Variants in SLC12A2 observed in about 807,000 individuals in gnomAD.
SLC12A2 encodes the protein solute carrier family 12 member 2.
A neutral mutation model predicts 136.3 loss-of-function variants in SLC12A2; 67 were observed. That is an observed-to-expected ratio of 0.49 (90% CI 0.40 to 0.60). SLC12A2 has a LOEUF of 0.60. SLC12A2 is among the 20% of genes least tolerant of loss of function. SLC12A2 has a pLI of 0.00. For synonymous variants in SLC12A2, 619 were observed against 562.9 expected (o/e 1.10, Z -1.41); for missense variants, 1,322 against 1,534.7 (o/e 0.86, Z 2.32).
At chr5:128,141,802 A>G (rs187304326) in intron 9 of SLC12A2, 28 bp from the exon 10 acceptor site, 51 of 1,596,622 alleles carry the variant, frequency 3.2e-5, no homozygotes. Flanking sequence ...TATTAACTAT[A>G]TTATTCTTGT....
chr5:128,106,961 T>C (rs1007408414), intron 1 of SLC12A2, among the ~76,000 whole-genome samples: 2 of 152,172 alleles, frequency 1.3e-5, no homozygotes, highest in African/African-American at 4.8e-5. Flanking sequence ...TATATTTTCT[T>C]GTAATACTTG....
At chr5:128,169,976 A>G (rs905984742) in intron 18 of SLC12A2, 1 of 152,186 alleles carries the variant, frequency 6.6e-6, no homozygotes, top group African/African-American at 2.4e-5. Context: ...TGGTTTTAGA[A>G]CCATGTAAAT....
intron 9 of SLC12A2, among the ~76,000 whole-genome samples, chr5:128,139,386 G>C (rs1762287407): frequency 6.6e-6 from 1 of 151,816 alleles, no homozygotes; most frequent in African/African-American, 2.4e-5. Flanking sequence ...GTTTTACTTA[G>C]GAAAAGTTTT....
intron 4 of SLC12A2, among the ~76,000 whole-genome samples, 194 bp downstream of exon 4, chr5:128,114,875 T>C (rs1158183488): frequency 6.6e-6 from 1 of 152,224 alleles, no homozygotes; most frequent in African/African-American, 2.4e-5. Context: ...CACATAAGCT[T>C]TTAAGTTATT....
Position 128,156,726 on chromosome 5 carries a change from C to T in SLC12A2, c.2364-1327C>T, listed in dbSNP as rs558359572. On this transcript the variant is annotated intron_variant, in intron 15 of 26. Transcript: ENST00000262461. ...CTGTACTTTGGTCACTCAGAACCCA[C>T]GTTCCTTATCAGTCTGCCATTCCCT... 1.5e-3 allele frequency among the ~76,000 whole-genome samples: 223 copies of T among 152,296 alleles called. 3 individuals carry two copies. The highest frequency in any genetic ancestry group is 2.2e-3 in the Non-Finnish European group (149 of 68,018).
At chr5:128,146,909 G>C (rs1336145196) in intron 10 of SLC12A2, among the ~76,000 whole-genome samples, 1 of 151,514 alleles carries the variant, frequency 6.6e-6, no homozygotes, top group Non-Finnish European at 1.5e-5. Context: ...CAGTTTACTA[G>C]AATTATAGAA....
chr5:128,114,579 C>T lies in SLC12A2; in HGVS notation c.953-7C>T, dbSNP rs201608609. ...AGTATTCTCATTGTCTTTCTTTCTT[C>T]GTAAAGGTCTATCAGTCCTTGTAAT... On this transcript the variant is annotated splice_region_variant and splice_polypyrimidine_tract_variant and intron_variant, in intron 3 of 26. Coordinates refer to ENST00000262461, the MANE Select transcript of SLC12A2 (RefSeq NM_001046.3). 8.9e-4 allele frequency: 1,404 copies of T among 1,578,314 alleles called. 1 individual carries two copies. The highest frequency in any genetic ancestry group is 1.2e-3 in the Non-Finnish European group (1,328 of 1,148,282).
intron 23 of SLC12A2, 74 bp from the exon 24 acceptor site, chr5:128,182,781 T>C: frequency 9.9e-7 from 1 of 1,014,440 alleles, no homozygotes; most frequent in Admixed American, 2.2e-5. Flanking sequence ...TAAATCATGC[T>C]TTTTAGATAT....
At position 128,178,637 on chromosome 5, in the gene SLC12A2, G is replaced by GA; in HGVS notation, c.3054dup (p.Gln1019ThrfsTer7). 6 of 1,602,222 alleles carry GA rather than the reference G, an allele frequency of 3.7e-6. No homozygotes were observed. The highest frequency in any genetic ancestry group is 5.1e-6 in the Non-Finnish European group (6 of 1,174,356). On this transcript the variant is annotated frameshift_variant, in exon 22 of 27. Coordinates refer to ENST00000262461, the MANE Select transcript of SLC12A2 (RefSeq NM_001046.3). LOFTEE classifies it high-confidence loss of function. Reference sequence around the variant, plus strand: ...TTCTTGAAGCTAGTACACAGTTTCAGAAAAAACAAGGAAAGAATACTATTG... The same window carrying GA: ...TTCTTGAAGCTAGTACACAGTTTCAGAAAAAAACAAGGAAAGAATACTATTG...
In SLC12A2 at chr5:128,134,313, G is replaced by A. The variant is rs370767458; in HGVS notation, c.1299+38G>A. On this transcript the variant is annotated intron_variant, in intron 6 of 26. Coordinates refer to ENST00000262461, the MANE Select transcript of SLC12A2 (RefSeq NM_001046.3). ...AGGAACACCTGTAAATATTTAATACGTAAACTTTTAGAGCTTATGTTTTGG... is the reference window on the plus strand; with the variant it reads ...AGGAACACCTGTAAATATTTAATACATAAACTTTTAGAGCTTATGTTTTGG... 41 of 1,053,680 alleles carry A rather than the reference G, an allele frequency of 3.9e-5. 1 individual carries two copies. The highest frequency in any genetic ancestry group is 3.8e-4 in the South Asian group (29 of 77,160). The allele number at this position is 1,053,680 out of a possible 1,614,324, so 65.3% of individuals were successfully genotyped here. A position where few individuals can be genotyped will look rare whatever the true frequency, so the allele number is the denominator to read the frequency against.
rs768833602 is a variant in SLC12A2 at position 128,143,181 on chromosome 5, GAGTA to G, written c.1773+1205_1773+1208del. ...CCTGTATGTATTTTGTTAGATTTACGAGTAAGTATTTTTATTTTGCTCAATTTAA... is the reference window on the plus strand; with the variant it reads ...CCTGTATGTATTTTGTTAGATTTACGAGTATTTTTATTTTGCTCAATTTAA... On this transcript the variant is annotated intron_variant, in intron 10 of 26. Transcript: ENST00000262461. Among the ~76,000 whole-genome samples the G allele has an allele frequency of 8.5e-5, 13 of 152,076 alleles. No homozygotes were observed. In the East Asian group the frequency reaches 1.7e-3, roughly 20 times the overall value.
Position 128,172,396 on chromosome 5 carries a change from G to A in SLC12A2, c.2803+650G>A, listed in dbSNP as rs372667945. ...AGATTTCAGCAGTTTACAAAGACTT[G>A]TATGTGGTTGTGTAGTTGTGTGCCA... is the stretch of plus-strand genomic sequence containing the variant. On this transcript the variant is annotated intron_variant, in intron 19 of 26. Coordinates refer to ENST00000262461, the MANE Select transcript of SLC12A2 (RefSeq NM_001046.3). Among the ~76,000 whole-genome samples the A allele has an allele frequency of 9.2e-5, 14 of 152,106 alleles. No homozygotes were observed. In the East Asian group the frequency reaches 2.7e-3, roughly 29 times the overall value.
intron 1 of SLC12A2, among the ~76,000 whole-genome samples, chr5:128,100,499 T>C (rs1454526939): frequency 2.0e-5 from 3 of 152,108 alleles, no homozygotes; most frequent in African/African-American, 7.2e-5. Flanking sequence ...TCTGAAAATA[T>C]CTGAAATATG....
chr5:128,152,710 G>A lies in SLC12A2; in HGVS notation c.2268G>A (p.Val756=). The change falls in exon 15 of 27, where the codon GTG becomes GTA. Residue 756 remains valine (V), a synonymous_variant. Transcript: ENST00000262461. ...ATGAACATTATCTTCCCACAGATGTGAATTGGGGATCCTCTACACAAGCCC... is the reference window on the plus strand; with the variant it reads ...ATGAACATTATCTTCCCACAGATGTAAATTGGGGATCCTCTACACAAGCCC... ...YIYVTYKKPD[V]NWGSSTQALT... is the part of the protein sequence containing the mutation. 6.2e-7 allele frequency: 1 copy of A among 1,603,666 alleles called. No individual in the cohort carries two copies.
At chr5:128,098,707 C>G (rs928557452) in intron 1 of SLC12A2, among the ~76,000 whole-genome samples, 38 of 152,002 alleles carry the variant, frequency 2.5e-4, no homozygotes, top group African/African-American at 8.7e-4. Context: ...CCCCCATCCA[C>G]TCCTCTCCCC....
chr5:128,118,828 A>G lies in SLC12A2; in HGVS notation c.1048+4147A>G, dbSNP rs145664521. Reference sequence around the variant, plus strand: ...ATTAAATCTGAATCACATTATGCCAATATCTCCAGGAAACATTTTATAGAA... The same window carrying G: ...ATTAAATCTGAATCACATTATGCCAGTATCTCCAGGAAACATTTTATAGAA... On this transcript the variant is annotated intron_variant, in intron 4 of 26. Transcript: ENST00000262461. 2.8e-3 allele frequency among the ~76,000 whole-genome samples: 423 copies of G among 152,332 alleles called. 1 individual carries two copies. The highest frequency in any genetic ancestry group is 5.1e-3 in the Non-Finnish European group (345 of 68,022).
At chr5:128,175,453 CT>C (rs1303260044) in intron 20 of SLC12A2, among the ~76,000 whole-genome samples, 4 of 152,002 alleles carry the variant, frequency 2.6e-5, no homozygotes, top group African/African-American at 7.2e-5. Context: ...ATTCTGATAA[CT>C]GTTCCTATAT....
At chr5:128,097,972 A>G (rs921504320) in intron 1 of SLC12A2, among the ~76,000 whole-genome samples, 3 of 151,992 alleles carry the variant, frequency 2.0e-5, no homozygotes, top group African/African-American at 7.2e-5. Context: ...TTCTTAGTTG[A>G]CAGCTTTCTT....
intron 1 of SLC12A2, among the ~76,000 whole-genome samples, chr5:128,111,529 G>A (rs1205717752): frequency 6.6e-6 from 1 of 152,056 alleles, no homozygotes; most frequent in African/African-American, 2.4e-5. Context: ...ACTTTGAGAG[G>A]CCAAGGCGGG....
Sources: allele counts gnomAD v4.1 joint callset (sites outside exome capture counted in the v4.1 genomes callset), GRCh38; gene constraint gnomAD v4.1.1; transcripts MANE v1.5; gene names NCBI Gene and HGNC (gene_info 2026-07-23, HGNC 2026-07-21).